Variants in ZNF839 observed in about 807,000 individuals in gnomAD.
The protein encoded by ZNF839 is zinc finger protein 839, also known as renal carcinoma antigen NY-REN-50.
In ZNF839, 38 loss-of-function variants were observed where a neutral mutation model predicts 56.4. The observed-to-expected ratio is 0.67, with a 90% confidence interval of 0.52 to 0.88. The LOEUF is 0.88. ZNF839 is among the 40% of genes least tolerant of loss of function. ZNF839 has a pLI of 0.00. For missense variants in ZNF839, 1,091 were observed against 1,177.6 expected, an observed-to-expected ratio of 0.93 and a Z score of 1.08; for synonymous variants, 486 against 493.5, an observed-to-expected ratio of 0.98 and a Z score of 0.20.
At chr14:102,325,084 T>G (rs1567284343) in intron 1 of ZNF839, among the ~76,000 whole-genome samples, 1 of 152,054 alleles carries the variant, frequency 6.6e-6, no homozygotes. Flanking sequence ...GGGCGTGGTG[T>G]CTCACGCTGG....
rs749793088 is a variant in ZNF839 at position 102,326,725 on chromosome 14, C to T, written c.1029C>T (p.Pro343=). 48 of 1,612,926 alleles carry T rather than the reference C, an allele frequency of 3.0e-5. No individual in the cohort carries two copies. The highest frequency in any genetic ancestry group is 1.8e-4 in the East Asian group (8 of 44,842). The part of the protein sequence containing the change: ...KLNPGHGQLD[P]EMVLSEKASG... ...ACCCAGGCCACGGCCAGTTGGACCC[C>T]GAGATGGTGCTGTCTGAGAAAGCCA... The change falls in exon 2 of 8, where the codon CCC becomes CCT. Residue 343 remains proline, a synonymous_variant. Coordinates refer to ENST00000442396, the MANE Select transcript of ZNF839 (RefSeq NM_018335.6). This position sits in a 1 kb window ranked among gnomAD's most constrained non-coding sequence, Gnocchi z 4.3.
intron 4 of ZNF839, 100 bp downstream of exon 4, chr14:102,334,746 TG>T: frequency 1.6e-6 from 1 of 622,620 alleles, no homozygotes; most frequent in Non-Finnish European, 2.4e-6. Flanking sequence ...CCTGCATAGT[TG>T]TTAATTTTAT....
chr14:102,333,508 C>T (rs1014045412), intron 3 of ZNF839, among the ~76,000 whole-genome samples: 3 of 152,134 alleles, frequency 2.0e-5, no homozygotes, highest in African/African-American at 7.2e-5. Flanking sequence ...AGTAATCCTC[C>T]TGGCTTGGCC....
rs2073024389 is a variant in ZNF839, at chr14:102,319,866, C to T, written c.101C>T (p.Ala34Val). 7.8e-7 allele frequency: 1 copy of T among 1,279,516 alleles called. No homozygotes were observed. The allele number at this position is 1,279,516 out of a possible 1,614,324, so 79.3% of individuals were successfully genotyped here. The change falls in exon 1 of 8, where the codon GCC (alanine) becomes GTC (valine). Residue 34 changes from alanine (A) to valine (V), a missense_variant. By Grantham distance (64) the Ala-to-Val change is moderately conservative. Around this residue, in one of 3 missense-constraint regions of ZNF839, gnomAD observed 614 missense variants for 629.2 expected, o/e 0.98. Coordinates refer to ENST00000442396, the MANE Select transcript of ZNF839 (RefSeq NM_018335.6). The surrounding 1 kb of genome is among the most constrained non-coding windows in gnomAD (Gnocchi z 4.5). Reference protein sequence around the residue: ...PGQSGSVARVAPLGPEQLRQV... With the variant: ...PGQSGSVARVVPLGPEQLRQV... ...CAGAGCGGCAGCGTCGCACGTGTGG[C>T]CCCGCTGGGCCCCGAGCAGCTGCGG...
At chr14:102,333,285 G>T (rs568223411) in intron 3 of ZNF839, among the ~76,000 whole-genome samples, 1 of 138,552 alleles carries the variant, frequency 7.2e-6, no homozygotes, top group African/African-American at 2.8e-5. Flanking sequence ...TTTTTTGAGA[G>T]AGGGTCTCAT....
In ZNF839 at chr14:102,319,901, G is replaced by A; in HGVS notation, c.136G>A (p.Glu46Lys). The change falls in exon 1 of 8, where the codon GAG (glutamate) becomes AAG (lysine). Residue 46 changes from glutamate to lysine, a missense_variant. Coordinates refer to ENST00000442396, the MANE Select transcript of ZNF839 (RefSeq NM_018335.6). This position sits in a 1 kb window ranked among gnomAD's most constrained non-coding sequence, Gnocchi z 4.5. ...LGPEQLRQVL[E>K]QVTKAQPPPP... Reference sequence around the variant, plus strand: ...CCCCGAGCAGCTGCGGCAGGTCCTGGAGCAGGTGACGAAGGCGCAGCCGCC... The same window carrying A: ...CCCCGAGCAGCTGCGGCAGGTCCTGAAGCAGGTGACGAAGGCGCAGCCGCC... 2 of 1,272,010 alleles carry A rather than the reference G, an allele frequency of 1.6e-6. No individual in the cohort carries two copies. The highest frequency in any genetic ancestry group is 2.0e-6 in the Non-Finnish European group (2 of 1,003,688). The allele number at this position is 1,272,010 out of a possible 1,614,324, so 78.8% of individuals were successfully genotyped here. A position where few individuals can be genotyped will look rare whatever the true frequency, so the allele number is the denominator to read the frequency against.
At position 102,341,448 on chromosome 14, in the gene ZNF839, G is replaced by T; in HGVS notation, c.2053G>T (p.Glu685Ter). 1.3e-6 allele frequency: 2 copies of T among 1,595,598 alleles called. No individual in the cohort carries two copies. The highest frequency in any genetic ancestry group is 1.7e-6 in the Non-Finnish European group (2 of 1,170,648). ...GCAGCTTCAGGCACTGGCTAACTTA[G>T]AAGCCAGGAGGGGGTCTATAGGTGC... ...GPQLQALANL[E>*]ARRGSIGAAL... Residue 685 changes from glutamate (E) to a stop codon, truncating the protein, a stop_gained, in exon 8 of 8, where the codon GAA becomes TAA. Coordinates refer to ENST00000442396, the MANE Select transcript of ZNF839 (RefSeq NM_018335.6). LOFTEE classifies it low-confidence loss of function (END_TRUNC).
In ZNF839 at chr14:102,334,650, A is replaced by C. The variant is rs2073937354; in HGVS notation, c.1509+4A>C. 1 of 1,584,842 alleles carries C rather than the reference A, an allele frequency of 6.3e-7. No individual in the cohort carries two copies. The highest frequency in any genetic ancestry group is 1.3e-5 in the African/African-American group (1 of 74,398). ...GTATGAGTTTCTTCTGATGAAGGTGAGTACTCTTAGTGTTTCTAAATGATA... is the reference window on the plus strand; with the variant it reads ...GTATGAGTTTCTTCTGATGAAGGTGCGTACTCTTAGTGTTTCTAAATGATA... On this transcript the variant is annotated splice_donor_region_variant and intron_variant, in intron 4 of 7. Transcript: ENST00000442396.
Position 102,342,048 on chromosome 14 carries a change from G to C in ZNF839, c.2653G>C (p.Gly885Arg). Residue 885 changes from glycine (G) to arginine (R), a missense_variant, in exon 8 of 8, where the codon GGA becomes CGA. Around this residue, in one of 3 missense-constraint regions of ZNF839, gnomAD observed 431 missense variants for 468.0 expected, o/e 0.92. Transcript: ENST00000442396. ...SNGSHELLSQGQKQIFIQTSD... is the reference protein window; with the variant it reads ...SNGSHELLSQRQKQIFIQTSD... ...TGGGAGCCATGAGTTACTGTCTCAG[G>C]GACAGAAGCAGATTTTTATTCAGAC... 6.2e-7 allele frequency: 1 copy of C among 1,614,010 alleles called. No individual in the cohort carries two copies. Among genetic ancestry groups the C allele is most frequent in the Non-Finnish European group, 8.5e-7 (1 of 1,179,898 alleles).
rs1886626254 is a variant in ZNF839 at position 102,342,274 on chromosome 14, A to G, written c.*95A>G. 2.7e-6 allele frequency: 4 copies of G among 1,470,258 alleles called. No individual in the cohort carries two copies. Among genetic ancestry groups the G allele is most frequent in the Non-Finnish European group, 3.7e-6 (4 of 1,095,556 alleles). 91.1% of individuals were successfully genotyped at this position (1,470,258 alleles called of 1,614,324 possible). A position where few individuals can be genotyped will look rare whatever the true frequency, so the allele number is the denominator to read the frequency against. On this transcript the variant is annotated 3_prime_UTR_variant, in exon 8 of 8. Coordinates refer to ENST00000442396, the MANE Select transcript of ZNF839 (RefSeq NM_018335.6). ...TCAGATCCTAGATTCGTCTGATTTT[A>G]TCCAGAGAAGGTCTATGGCAAGCAA...
chr14:102,340,121 CG>C (rs777922309), intron 7 of ZNF839, among the ~76,000 whole-genome samples: 5 of 151,504 alleles, frequency 3.3e-5, no homozygotes, highest in Non-Finnish European at 7.4e-5. Flanking sequence ...TACAGGCACC[CG>C]CCATCATGCC....
chr14:102,326,615 T>C lies in ZNF839; in HGVS notation c.919T>C (p.Ser307Pro), dbSNP rs769198992. The change falls in exon 2 of 8, where the codon TCC (serine) becomes CCC (proline). Residue 307 changes from serine (S) to proline (P), a missense_variant. Physicochemically the swap from Ser to Pro is moderately conservative, Grantham distance 74 (BLOSUM62 -1). Around this residue, in one of 3 missense-constraint regions of ZNF839, gnomAD observed 614 missense variants for 629.2 expected, o/e 0.98. Transcript: ENST00000442396. The surrounding 1 kb of genome is among the most constrained non-coding windows in gnomAD (Gnocchi z 4.3). Reference sequence around the variant, plus strand: ...CGCACTCTTTGACTTATCGAGCTGCTCCCTGAGGCCCAAAAGCTTTAAGTG... The same window carrying C: ...CGCACTCTTTGACTTATCGAGCTGCCCCCTGAGGCCCAAAAGCTTTAAGTG... ...RHALFDLSSC[S>P]LRPKSFKCQT... 54 of 1,613,596 alleles carry C rather than the reference T, an allele frequency of 3.3e-5. No homozygotes were observed. Among genetic ancestry groups the C allele is most frequent in the Non-Finnish European group, 4.6e-5 (54 of 1,179,828 alleles).
intron 7 of ZNF839, among the ~76,000 whole-genome samples, chr14:102,340,756 A>C (rs1320691612): frequency 2.0e-5 from 3 of 152,130 alleles, no homozygotes; most frequent in African/African-American, 7.2e-5. Context: ...AAGAATCACC[A>C]ATCATTCATT....
intron 1 of ZNF839, among the ~76,000 whole-genome samples, chr14:102,323,387 T>G (rs529305244): frequency 9.8e-5 from 15 of 152,360 alleles, no homozygotes; most frequent in Admixed American, 7.2e-4. Flanking sequence ...AAGTGCTCAT[T>G]ATTTCTGCTC....
At position 102,341,986 on chromosome 14, in the gene ZNF839, T is replaced by C; in HGVS notation, c.2591T>C (p.Val864Ala). Residue 864 changes from valine (V) to alanine (A), a missense_variant, in exon 8 of 8, where the codon GTT becomes GCT. Val to Ala is a moderately conservative substitution (Grantham distance 64). Around this residue, in one of 3 missense-constraint regions of ZNF839, gnomAD observed 431 missense variants for 468.0 expected, o/e 0.92. Transcript: ENST00000442396. ...GGCCAGAGAGAACTGGAGAGCGTGG[T>C]TGCTGTCGGCGAAGCCATGGCTTTT... ...HSGQRELESV[V>A]AVGEAMAFEI... 4 of 1,614,016 alleles carry C rather than the reference T, an allele frequency of 2.5e-6. No individual in the cohort carries two copies. The highest frequency in any genetic ancestry group is 2.5e-6 in the Non-Finnish European group (3 of 1,179,884).
chr14:102,328,366 AAAAAAAAAAATATATATAT>A (rs2073538420), intron 2 of ZNF839, among the ~76,000 whole-genome samples: 1 of 52,786 alleles, frequency 1.9e-5, no homozygotes, highest in African/African-American at 8.3e-5. Context: ...AAAAAAAAAA[AAAAAAAAAAATATATATAT>A]ATATATATAT....
intron 2 of ZNF839, 118 bp downstream of exon 2, chr14:102,327,005 CTG>C: frequency 8.5e-7 from 1 of 1,177,824 alleles, no homozygotes; most frequent in Non-Finnish European, 1.2e-6. Flanking sequence ...GTTCCATAGA[CTG>C]TACAGGAAGC....
chr14:102,321,562 T>C (rs2139450797), intron 1 of ZNF839, among the ~76,000 whole-genome samples: 1 of 152,374 alleles, frequency 6.6e-6, no homozygotes, highest in East Asian at 1.9e-4. Context: ...CAGCACATTC[T>C]TTTAATACTC....
chr14:102,337,621 C>T (rs1304994522), intron 5 of ZNF839: 1 of 152,188 alleles, frequency 6.6e-6, no homozygotes, highest in Non-Finnish European at 1.5e-5. Context: ...TCGGCACACA[C>T]ACACTGTGCC....
Sources: allele counts gnomAD v4.1 joint callset (sites outside exome capture counted in the v4.1 genomes callset), GRCh38; gene constraint gnomAD v4.1.1; regional missense constraint gnomAD v4.1.1; non-coding constraint Gnocchi (gnomAD v3.1); transcripts MANE v1.5; gene names NCBI Gene and HGNC (gene_info 2026-07-23, HGNC 2026-07-21).